ENOX2: variants seen among roughly 807,000 people sequenced by gnomAD.
ENOX2 encodes the protein APK1 antigen.
Under a neutral mutation model 45.0 loss-of-function variants are expected in ENOX2, and 36 were observed. The ratio of observed to expected loss-of-function variants is 0.80; its 90% CI spans 0.61 to 1.06. ENOX2 has a LOEUF of 1.06. Ranked by LOEUF, ENOX2 falls within the 50% of genes least tolerant of loss-of-function variation. The pLI is 0.00. For synonymous variants in ENOX2, 174 were observed against 152.3 expected (o/e 1.14, Z -1.05); for missense variants, 423 against 462.5 (o/e 0.91, Z 0.78).
intron 2 of ENOX2, among the ~76,000 whole-genome samples, chrX:130,893,189 A>G (rs2079009655): frequency 8.9e-6 from 1 of 112,535 alleles, no homozygotes; most frequent in Non-Finnish European, 1.9e-5. Context: ...CAATTTTTCT[A>G]TATTTAAAAG....
intron 3 of ENOX2, among the ~76,000 whole-genome samples, chrX:130,780,999 G>C (rs2039956986): frequency 9.0e-6 from 1 of 111,555 alleles, no homozygotes; most frequent in Admixed American, 9.5e-5. Context: ...AAAGGAAGAG[G>C]GAAGTTGCTA....
At chrX:130,890,351 T>C (rs1223142960) in intron 2 of ENOX2, among the ~76,000 whole-genome samples, 1 of 111,388 alleles carries the variant, frequency 9.0e-6, no homozygotes, top group African/African-American at 3.3e-5. Flanking sequence ...AGCTCCAGAA[T>C]GTAAGCACTA....
intron 13 of ENOX2, 78 bp downstream of exon 13, chrX:130,631,390 A>T: frequency 1.8e-6 from 1 of 568,002 alleles, no homozygotes; most frequent in South Asian, 2.7e-5. Flanking sequence ...GCATGTGCTT[A>T]TTAATCTTAG....
intron 3 of ENOX2, among the ~76,000 whole-genome samples, chrX:130,748,502 A>C (rs778510060): frequency 1.8e-5 from 2 of 111,721 alleles, no homozygotes; most frequent in African/African-American, 6.5e-5. Flanking sequence ...CCCCTCTTTA[A>C]TTTCTTCACT....
At chrX:130,900,600 C>T (rs1037689047) in intron 2 of ENOX2, among the ~76,000 whole-genome samples, 4 of 112,352 alleles carry the variant, frequency 3.6e-5, no homozygotes, top group Non-Finnish European at 7.5e-5. Context: ...ATGCCCTACT[C>T]TTATACAGCC....
At chrX:130,791,967 GT>G (rs2077050892) in intron 2 of ENOX2, among the ~76,000 whole-genome samples, 1 of 112,283 alleles carries the variant, frequency 8.9e-6, no homozygotes, top group Middle Eastern at 4.2e-3. Flanking sequence ...ACAAACTACA[GT>G]TAAGAAAAGG....
At chrX:130,784,168 C>T (rs144574762) in intron 2 of ENOX2, among the ~76,000 whole-genome samples, 1,179 of 111,804 alleles carry the variant, frequency 0.011, 9 homozygotes, top group Non-Finnish European at 0.017. Flanking sequence ...AAAACCATAA[C>T]TCCATGGCAA....
intron 4 of ENOX2, among the ~76,000 whole-genome samples, chrX:130,694,307 T>G (rs1304012419): frequency 9.0e-6 from 1 of 111,631 alleles, no homozygotes; most frequent in African/African-American, 3.3e-5. Context: ...AGACTGACCA[T>G]GATTTTTCTC....
chrX:130,651,955 T>C (rs1287254509), intron 10 of ENOX2, among the ~76,000 whole-genome samples: 1 of 111,462 alleles, frequency 9.0e-6, no homozygotes, highest in Non-Finnish European at 1.9e-5. Flanking sequence ...ATACTCTCCA[T>C]TGCCTCCTTC....
rs377558255 is a variant in ENOX2 at position 130,703,123 on chromosome X, G to A, written c.94C>T (p.Pro32Ser). 3.1e-5 allele frequency: 37 copies of A among 1,204,474 alleles called. No homozygotes were observed. In the East Asian group the frequency reaches 1.1e-3, roughly 36 times the overall value. Residue 32 changes from proline (P) to serine (S), a missense_variant, in exon 4 of 15, where the codon CCT (proline) becomes TCT (serine). This residue lies in a region of ENOX2 where 261 missense variants were observed against 306.8 expected (regional missense o/e 0.85). Transcript: ENST00000394363. ...PLGIAGQPIL[P>S]DFDPALGMMT... is the part of the protein sequence containing the mutation. ...GAGGTGATTAAAAATAACATACCAG[G>A]TAAAATTGGTTGTCCGGCAATTCCC...
intron 9 of ENOX2, among the ~76,000 whole-genome samples, chrX:130,663,880 G>T (rs2036764231): frequency 8.9e-6 from 1 of 111,735 alleles, no homozygotes; most frequent in Non-Finnish European, 1.9e-5. Flanking sequence ...TGAGGGCAAA[G>T]ATCATTTCAT....
chrX:130,820,286 C>T (rs1340670656), intron 2 of ENOX2, among the ~76,000 whole-genome samples: 2 of 112,008 alleles, frequency 1.8e-5, no homozygotes, highest in Non-Finnish European at 3.8e-5. Context: ...GACAGAATGG[C>T]TATTATCAAA....
At chrX:130,778,123 C>G (rs1450277247) in intron 3 of ENOX2, among the ~76,000 whole-genome samples, 1 of 111,697 alleles carries the variant, frequency 9.0e-6, no homozygotes, top group Non-Finnish European at 1.9e-5. Flanking sequence ...AGTCTCAGTC[C>G]TGTGAGTCTG....
chrX:130,716,213 T>C (rs776164605), intron 3 of ENOX2, among the ~76,000 whole-genome samples: 2 of 112,348 alleles, frequency 1.8e-5, no homozygotes, highest in Admixed American at 1.9e-4. Context: ...CAAGATGGTT[T>C]ATCTTTAACA....
intron 3 of ENOX2, among the ~76,000 whole-genome samples, chrX:130,767,180 C>T (rs2039637335): frequency 9.0e-6 from 1 of 111,544 alleles, no homozygotes; most frequent in East Asian, 2.8e-4. Flanking sequence ...GTACCCTTAA[C>T]TTGCTTTATT....
intron 2 of ENOX2, among the ~76,000 whole-genome samples, chrX:130,818,852 C>A (rs966937518): frequency 1.8e-5 from 2 of 111,800 alleles, no homozygotes; most frequent in Non-Finnish European, 3.8e-5. Flanking sequence ...ACAATGGCAA[C>A]AAAAGCCAAA....
chrX:130,764,302 T>C (rs2039563688), intron 3 of ENOX2, among the ~76,000 whole-genome samples: 1 of 111,032 alleles, frequency 9.0e-6, no homozygotes, highest in Non-Finnish European at 1.9e-5. Flanking sequence ...GTCTTAAATT[T>C]TAAGATGCTC....
At chrX:130,682,583 CAAAAAAAAAAAAAAAAAAAAA>C (rs55875735) in intron 5 of ENOX2, among the ~76,000 whole-genome samples, 3 of 14,659 alleles carry the variant, frequency 2.0e-4, no homozygotes, top group Admixed American at 1.5e-3. Flanking sequence ...GACTCCGTCT[CAAAAAAAAAAAAAAAAAAAAA>C]AAAAAAAAAA....
At chrX:130,829,485 C>T (rs1445176989) in intron 2 of ENOX2, among the ~76,000 whole-genome samples, 1 of 111,625 alleles carries the variant, frequency 9.0e-6, no homozygotes, top group Non-Finnish European at 1.9e-5. Context: ...CTATGCCACA[C>T]TATCACCCTG....
Sources: gnomAD v4.1 joint callset for allele counts (sites outside exome capture counted in the v4.1 genomes callset) on GRCh38, gnomAD v4.1.1 for gene constraint, gnomAD v4.1.1 regional missense constraint, MANE v1.5 for transcripts, NCBI Gene and HGNC (gene_info 2026-07-23, HGNC 2026-07-21) for gene names.